LEMD2: variants seen among roughly 807,000 people sequenced by gnomAD.
LEMD2 encodes the protein LEM domain-containing protein 2.
LEMD2 carries 34 observed loss-of-function variants against 58.8 expected under a neutral mutation model. The ratio of observed to expected loss-of-function variants is 0.58; its 90% CI spans 0.44 to 0.77. The LOEUF is 0.77. LEMD2 is among the 30% of genes least tolerant of loss of function. LEMD2 has a pLI of 0.00. For synonymous variants in LEMD2, 298 were observed against 308.9 expected (o/e 0.96, Z 0.37); for missense variants, 629 against 717.9 (o/e 0.88, Z 1.42).
intron 2 of LEMD2, among the ~76,000 whole-genome samples, chr6:33,786,040 CTTAA>C (rs1767668846): frequency 6.6e-6 from 1 of 152,190 alleles, no homozygotes; most frequent in South Asian, 2.1e-4. Context: ...GCATTGCACA[CTTAA>C]TTAGACTACT....
chr6:33,775,643 T>C (rs1767413160), intron 8 of LEMD2, among the ~76,000 whole-genome samples: 1 of 152,236 alleles, frequency 6.6e-6, no homozygotes, highest in South Asian at 2.1e-4. Flanking sequence ...GCTCTATTTT[T>C]CTGATTCCTC....
chr6:33,784,689 G>T (rs1314455139), intron 2 of LEMD2: 2 of 380,312 alleles, frequency 5.3e-6, no homozygotes. Context: ...GCATCCCAGA[G>T]GCTCCTGGCT....
chr6:33,789,129 G>T lies in LEMD2; in HGVS notation c.-13C>A, dbSNP rs748896637. The stretch of plus-strand genomic sequence containing the variant: ...ACAGGCCGGCCATGGCCAGGACGCC[G>T]CCCCCCGCCCGCCCCTGGCGCGCAC... On this transcript the variant is annotated 5_prime_UTR_variant, in exon 1 of 9. Transcript: ENST00000293760. 1.5e-5 allele frequency: 23 copies of T among 1,488,972 alleles called. No homozygotes were observed. The African/African-American group carries it at 1.7e-4, about 11-fold the overall frequency. The allele number at this position is 1,488,972 out of a possible 1,614,324, so 92.2% of individuals were successfully genotyped here.
intron 8 of LEMD2, among the ~76,000 whole-genome samples, chr6:33,773,595 G>GGT (rs1767355120): frequency 4.2e-5 from 1 of 23,930 alleles, no homozygotes; most frequent in Non-Finnish European, 1.1e-4. Context: ...GTCAGGAGGC[G>GGT]GGGGGGGGGC....
In LEMD2 at chr6:33,771,809, G is replaced by C; in HGVS notation, c.*819C>G. Reference sequence around the variant, plus strand: ...GGCTGTGGTCACAGTAAAGCAAGGCGATCTTCGCACACAGCAAGTGCGAGG... The same window carrying C: ...GGCTGTGGTCACAGTAAAGCAAGGCCATCTTCGCACACAGCAAGTGCGAGG... On this transcript the variant is annotated 3_prime_UTR_variant, in exon 9 of 9. Transcript: ENST00000293760. 1 of 152,254 alleles carries C rather than the reference G, an allele frequency of 6.6e-6. No individual in the cohort carries two copies. 9.4% of individuals were successfully genotyped at this position (152,254 alleles called of 1,614,324 possible).
At position 33,777,257 on chromosome 6, in the gene LEMD2, A is replaced by G; in HGVS notation, c.1157-18T>C. Reference sequence around the variant, plus strand: ...AGCCAAGCCTGTGAGGGAACAAAACACTGTTAATCCCTCACACTTCATTTG... The same window carrying G: ...AGCCAAGCCTGTGAGGGAACAAAACGCTGTTAATCCCTCACACTTCATTTG... On this transcript the variant is annotated intron_variant, in intron 6 of 8. Transcript: ENST00000293760. The G allele has an allele frequency of 1.3e-6, 2 of 1,499,538 alleles. No homozygotes were observed. The highest frequency in any genetic ancestry group is 4.5e-5 in the East Asian group (2 of 44,346). The allele number at this position is 1,499,538 out of a possible 1,614,324, so 92.9% of individuals were successfully genotyped here. A position where few individuals can be genotyped will look rare whatever the true frequency, so the allele number is the denominator to read the frequency against.
At chr6:33,779,019 C>G (rs915045403) in intron 5 of LEMD2, 5 of 152,182 alleles carry the variant, frequency 3.3e-5, no homozygotes, top group Admixed American at 2.6e-4. Flanking sequence ...GAATATCATG[C>G]TCTTGAGGCT....
rs1350983034 is a variant in LEMD2, at chr6:33,778,189, C to T, written c.1156+53G>A. 1.3e-5 allele frequency: 19 copies of T among 1,494,686 alleles called. No individual in the cohort carries two copies. Among genetic ancestry groups the T allele is most frequent in the Non-Finnish European group, 1.7e-5 (19 of 1,114,106 alleles). 92.6% of individuals were successfully genotyped at this position (1,494,686 alleles called of 1,614,324 possible). On this transcript the variant is annotated intron_variant, in intron 6 of 8. Transcript: ENST00000293760. This position sits in a 1 kb window ranked among gnomAD's most constrained non-coding sequence, Gnocchi z 4.7. ...AATTTCTATAGCTCATCATTCATGC[C>T]TAGGAGTATGCTTGACTGCACAGAA...
rs1166979946 is a variant in LEMD2 at position 33,780,093 on chromosome 6, C to T, written c.1010+7G>A. On this transcript the variant is annotated splice_region_variant and intron_variant, in intron 5 of 8. Coordinates refer to ENST00000293760, the MANE Select transcript of LEMD2 (RefSeq NM_181336.4). The stretch of plus-strand genomic sequence containing the variant: ...CCATGCTGCGTCGCCACCCTGCCCA[C>T]ACTCACCAGATGCCCACGTCCTTGT... 6.3e-7 allele frequency: 1 copy of T among 1,583,842 alleles called. No individual in the cohort carries two copies. The highest frequency in any genetic ancestry group is 1.8e-5 in the Admixed American group (1 of 56,210).
At chr6:33,781,489 C>T (rs1328860125) in intron 3 of LEMD2, 4 of 231,322 alleles carry the variant, frequency 1.7e-5, no homozygotes, top group South Asian at 9.5e-5. Context: ...TAAATAAACA[C>T]AGCCTGAGAA....
intron 2 of LEMD2, 48 bp from the exon 3 acceptor site, chr6:33,784,475 G>GT: frequency 2.3e-6 from 1 of 428,698 alleles, no homozygotes; most frequent in East Asian, 7.8e-5. Context: ...TGGGTGGGAG[G>GT]GGTCCGTCTG....
intron 2 of LEMD2, 64 bp from the exon 3 acceptor site, chr6:33,784,491 CT>C: frequency 3.6e-6 from 3 of 827,128 alleles, no homozygotes; most frequent in Non-Finnish European, 2.0e-6. Flanking sequence ...GTCTGTCCAT[CT>C]TTACTTCTCC....
Position 33,785,025 on chromosome 6 carries a change from G to A in LEMD2, c.778-598C>T, listed in dbSNP as rs374205408. Among the ~76,000 whole-genome samples, 8 of 152,238 alleles carry A rather than the reference G, an allele frequency of 5.3e-5. No homozygotes were observed. The South Asian group carries it at 1.2e-3, about 24-fold the overall frequency. On this transcript the variant is annotated intron_variant, in intron 2 of 8. Coordinates refer to ENST00000293760, the MANE Select transcript of LEMD2 (RefSeq NM_181336.4). ...GACAGACGGTACCAGACAACGAGAC[G>A]GCCTGATTAAGACAACACACCCACT...
Position 33,780,158 on chromosome 6 carries a change from CGGA to C in LEMD2, c.949_951del (p.Ser317del). ...CAGGTCAGTGCGGCTTCAAACTTGG[CGGA>C]GGAGCTGCTGGTCACATTCTGTGGG... On this transcript the variant is annotated inframe_deletion, in exon 5 of 9. Coordinates refer to ENST00000293760, the MANE Select transcript of LEMD2 (RefSeq NM_181336.4). 1 of 1,592,808 alleles carries C rather than the reference CGGA, an allele frequency of 6.3e-7. No homozygotes were observed. Among genetic ancestry groups the C allele is most frequent in the Non-Finnish European group, 8.6e-7 (1 of 1,168,530 alleles).
chr6:33,775,549 A>C (rs1016333917), intron 8 of LEMD2, among the ~76,000 whole-genome samples: 7 of 152,160 alleles, frequency 4.6e-5, no homozygotes, highest in African/African-American at 7.2e-5. Flanking sequence ...TCATGGGCTC[A>C]AGCAATCCTC....
At position 33,789,063 on chromosome 6, in the gene LEMD2, G is replaced by T. The variant is rs199837869; in HGVS notation, c.54C>A (p.Phe18Leu). The T allele has an allele frequency of 1.4e-5, 22 of 1,550,402 alleles. No individual in the cohort carries two copies. The African/African-American group carries it at 2.8e-4, about 20-fold the overall frequency. Residue 18 changes from phenylalanine to leucine, a missense_variant, in exon 1 of 9, where the codon TTC (phenylalanine) becomes TTA (leucine). Physicochemically the swap from Phe to Leu is conservative, Grantham distance 22. Transcript: ENST00000293760. ...ELRRELQALG[F>L]QPGPITDTTR... ...TGGTGTCGGTGATGGGTCCTGGCTG[G>T]AAGCCCAGGGCCTGCAGCTCCCGCC...
Position 33,788,467 on chromosome 6 carries a change from G to T in LEMD2, c.650C>A (p.Ala217Asp). The change falls in exon 1 of 9, where the codon GCC becomes GAC. Residue 217 changes from alanine (A) to aspartate (D), a missense_variant. By Grantham distance (126) the Ala-to-Asp change is moderately radical. Coordinates refer to ENST00000293760, the MANE Select transcript of LEMD2 (RefSeq NM_181336.4). ...GAAGACGAGCAGTAGCCCTAGGCTG[G>T]CCCAGAGCAGAAGCCGAGAGAGCCA... is the stretch of plus-strand genomic sequence containing the variant. ...ERWLSRLLLW[A>D]SLGLLLVFLG... 1 of 1,562,326 alleles carries T rather than the reference G, an allele frequency of 6.4e-7. No homozygotes were observed. The highest frequency in any genetic ancestry group is 8.7e-7 in the Non-Finnish European group (1 of 1,155,318).
chr6:33,775,788 A>G (rs1275293441), intron 8 of LEMD2, among the ~76,000 whole-genome samples: 1 of 152,208 alleles, frequency 6.6e-6, no homozygotes, highest in African/African-American at 2.4e-5. Flanking sequence ...AAATGGGGCC[A>G]CTTCTGTTGT....
At position 33,788,533 on chromosome 6, in the gene LEMD2, G is replaced by C. The variant is rs917358563; in HGVS notation, c.584C>G (p.Ala195Gly). 6.9e-5 allele frequency: 103 copies of C among 1,502,038 alleles called. No homozygotes were observed. Among genetic ancestry groups the C allele is most frequent in the Non-Finnish European group, 8.8e-5 (99 of 1,126,086 alleles). The allele number at this position is 1,502,038 out of a possible 1,614,324, so 93.0% of individuals were successfully genotyped here. ...LRATRAGPAGAARARPEVGRR... is the reference protein window; with the variant it reads ...LRATRAGPAGGARARPEVGRR... ...CCCCACCTCAGGCCGGGCCCTCGCC[G>C]CGCCAGCAGGGCCCGCTCGAGTCGC... is the stretch of plus-strand genomic sequence containing the variant. The change falls in exon 1 of 9, where the codon GCG becomes GGG. Residue 195 changes from alanine (A) to glycine (G), a missense_variant. Physicochemically the swap from Ala to Gly is moderately conservative, Grantham distance 60. Coordinates refer to ENST00000293760, the MANE Select transcript of LEMD2 (RefSeq NM_181336.4).
Sources: allele counts gnomAD v4.1 joint callset (sites outside exome capture counted in the v4.1 genomes callset), GRCh38; gene constraint gnomAD v4.1.1; non-coding constraint Gnocchi (gnomAD v3.1); transcripts MANE v1.5; gene names NCBI Gene and HGNC (gene_info 2026-07-23, HGNC 2026-07-21).